CACNA2D3: variants seen among roughly 807,000 people sequenced by gnomAD.
CACNA2D3 encodes voltage-dependent calcium channel subunit alpha-2/delta-3.
A neutral mutation model predicts 160.6 loss-of-function variants in CACNA2D3; 60 were observed. The ratio of observed to expected loss-of-function variants is 0.37; its 90% confidence interval spans 0.30 to 0.46. The LOEUF is 0.46. Ranked by LOEUF, CACNA2D3 falls within the 20% of genes least tolerant of loss-of-function variation. The pLI is 1.00. For synonymous variants in CACNA2D3, 558 were observed against 492.9 expected (o/e 1.13, Z -1.75); for missense variants, 1,205 against 1,365.0 (o/e 0.88, Z 1.85).
intron 2 of CACNA2D3, among the ~76,000 whole-genome samples, chr3:54,173,139 A>T (rs1171717949): frequency 6.6e-6 from 1 of 152,238 alleles, no homozygotes; most frequent in East Asian, 1.9e-4. Flanking sequence ...CAAGGAGTAC[A>T]TCAGCAATAT....
chr3:54,499,812 A>G (rs1163546534), intron 4 of CACNA2D3, among the ~76,000 whole-genome samples: 2 of 152,116 alleles, frequency 1.3e-5, no homozygotes, highest in African/African-American at 4.8e-5. Context: ...GATGTGGTCT[A>G]TCTTGAATGT....
Position 54,551,116 on chromosome 3 carries a change from C to G in CACNA2D3, c.545-11684C>G, listed in dbSNP as rs183959358. On this transcript the variant is annotated intron_variant, in intron 5 of 37. Transcript: ENST00000474759. The stretch of plus-strand genomic sequence containing the variant: ...GGTCTGCAAAGCCCTACTTGGTTCC[C>G]CCTGTCCCCATTTCTCACCCCAGCC... Among the ~76,000 whole-genome samples, 27 of 152,308 alleles carry G rather than the reference C, an allele frequency of 1.8e-4. 2 individuals carry two copies. Among genetic ancestry groups the G allele is most frequent in the Admixed American group, 1.8e-3 (27 of 15,298 alleles).
At chr3:54,752,888 T>C (rs1018712573) in intron 12 of CACNA2D3, among the ~76,000 whole-genome samples, 13 of 150,426 alleles carry the variant, frequency 8.6e-5, no homozygotes, top group Admixed American at 6.0e-4. Flanking sequence ...GTGGACAGAA[T>C]CTTGCTCTGT....
At chr3:55,059,670 C>T (rs1184827439) in intron 35 of CACNA2D3, among the ~76,000 whole-genome samples, 1 of 152,146 alleles carries the variant, frequency 6.6e-6, no homozygotes, top group East Asian at 1.9e-4. Flanking sequence ...TTAGTGCCCT[C>T]TTGGTACCCG....
At position 54,122,803 on chromosome 3, in the gene CACNA2D3, G is replaced by C. The variant is rs1699500460; in HGVS notation, c.90G>C (p.Val30=). The change falls in exon 1 of 38, where the codon GTG becomes GTC. Residue 30 remains valine, a synonymous_variant. Transcript: ENST00000474759. ...TTCTCTACGCCGCGCTGGGGGACGTGGTGCGCTCGGAGCAGCAGATACCGC... is the reference window on the plus strand; with the variant it reads ...TTCTCTACGCCGCGCTGGGGGACGTCGTGCGCTCGGAGCAGCAGATACCGC... ...AALLYAALGD[V]VRSEQQIPLS... is the part of the protein sequence containing the mutation. 2 of 1,232,530 alleles carry C rather than the reference G, an allele frequency of 1.6e-6. No homozygotes were observed. Among genetic ancestry groups the C allele is most frequent in the Admixed American group, 4.3e-5 (1 of 23,396 alleles). 76.3% of individuals were successfully genotyped at this position (1,232,530 alleles called of 1,614,324 possible). A position where few individuals can be genotyped will look rare whatever the true frequency, so the allele number is the denominator to read the frequency against.
chr3:54,734,135 C>G (rs1444578747), intron 11 of CACNA2D3, among the ~76,000 whole-genome samples: 1 of 152,144 alleles, frequency 6.6e-6, no homozygotes, highest in East Asian at 1.9e-4. Context: ...GGAAGGAAAT[C>G]GTTGTCCAAG....
At chr3:54,407,099 A>C (rs1699590630) in intron 4 of CACNA2D3, among the ~76,000 whole-genome samples, 1 of 152,140 alleles carries the variant, frequency 6.6e-6, no homozygotes, top group Non-Finnish European at 1.5e-5. Flanking sequence ...TCTTGAGTGG[A>C]GGAAATGACT....
chr3:54,501,520 G>A (rs566167138), intron 4 of CACNA2D3, among the ~76,000 whole-genome samples: 17 of 149,870 alleles, frequency 1.1e-4, no homozygotes, highest in Middle Eastern at 6.9e-3. Context: ...GATCCTCCTC[G>A]TTCAGCCTCC....
intron 9 of CACNA2D3, among the ~76,000 whole-genome samples, chr3:54,615,280 A>G (rs180697407): frequency 6.6e-6 from 1 of 152,330 alleles, no homozygotes; most frequent in East Asian, 1.9e-4. Flanking sequence ...GTAAAAAAAC[A>G]TCACGAATGA....
intron 9 of CACNA2D3, among the ~76,000 whole-genome samples, chr3:54,597,784 A>G (rs1702982519): frequency 1.3e-5 from 2 of 152,270 alleles, no homozygotes; most frequent in African/African-American, 4.8e-5. Context: ...ATCCCATTGC[A>G]GTTACTGTTC....
chr3:54,367,647 C>G (rs1049013394), intron 3 of CACNA2D3: 3 of 304,162 alleles, frequency 9.9e-6, no homozygotes, highest in Non-Finnish European at 2.0e-5. Flanking sequence ...AAGCTCTGCC[C>G]ATTAACTTAG....
chr3:54,378,152 T>G (rs1009416704), intron 3 of CACNA2D3, among the ~76,000 whole-genome samples: 6 of 152,338 alleles, frequency 3.9e-5, no homozygotes, highest in African/African-American at 1.4e-4. Context: ...TGGTCATCCT[T>G]CAGGTCAGCG....
chr3:54,191,464 C>G (rs192876377), intron 2 of CACNA2D3, among the ~76,000 whole-genome samples: 1 of 151,760 alleles, frequency 6.6e-6, no homozygotes, highest in Non-Finnish European at 1.5e-5. Context: ...CAGTTTCATA[C>G]GCATGCTGAG....
chr3:54,506,762 C>T (rs73841616), intron 5 of CACNA2D3, among the ~76,000 whole-genome samples: 3,472 of 152,140 alleles, frequency 0.023, 124 homozygotes, highest in African/African-American at 0.079. Flanking sequence ...CTCTGGCATC[C>T]CCAGCTTGTG....
intron 35 of CACNA2D3, among the ~76,000 whole-genome samples, chr3:55,057,965 G>A (rs1184266840): frequency 6.6e-6 from 1 of 151,942 alleles, no homozygotes; most frequent in Non-Finnish European, 1.5e-5. Flanking sequence ...AATTCTCAAT[G>A]ATCAAAATTT....
At chr3:54,236,694 C>T (rs781682318) in intron 2 of CACNA2D3, among the ~76,000 whole-genome samples, 18 of 152,228 alleles carry the variant, frequency 1.2e-4, no homozygotes, top group Non-Finnish European at 2.4e-4. Context: ...ATGCAAAGCT[C>T]GTTTGAAATA....
intron 5 of CACNA2D3, among the ~76,000 whole-genome samples, chr3:54,552,559 A>G (rs970497264): frequency 6.6e-6 from 1 of 152,172 alleles, no homozygotes; most frequent in South Asian, 2.1e-4. Flanking sequence ...TACTATAGCA[A>G]TGGACTTCAA....
chr3:54,492,336 G>T (rs1379600247), intron 4 of CACNA2D3, among the ~76,000 whole-genome samples: 2 of 152,118 alleles, frequency 1.3e-5, no homozygotes, highest in Non-Finnish European at 2.9e-5. Context: ...AGCAATTCTG[G>T]ACACTTCTGG....
intron 27 of CACNA2D3, among the ~76,000 whole-genome samples, chr3:54,916,047 C>T (rs1428672472): frequency 6.6e-6 from 1 of 152,160 alleles, no homozygotes; most frequent in African/African-American, 2.4e-5. Context: ...GTCACCAAAC[C>T]TCTGGCAGGG....
Sources: gnomAD v4.1 joint callset for allele counts (sites outside exome capture counted in the v4.1 genomes callset) on GRCh38, gnomAD v4.1.1 for gene constraint, MANE v1.5 for transcripts, NCBI Gene and HGNC (gene_info 2026-07-23, HGNC 2026-07-21) for gene names.